Variants in OPCML observed in about 807,000 individuals in gnomAD.
OPCML encodes opioid binding protein/cell adhesion molecule like, also known as opioid-binding protein/cell adhesion molecule.
OPCML carries 13 observed loss-of-function variants against 37.8 expected under a neutral mutation model. The observed-to-expected ratio is 0.34, with a 90% CI of 0.22 to 0.55. The LOEUF (loss-of-function observed/expected upper bound fraction) is 0.55, where lower values mean the gene tolerates loss of function less well. Ranked by LOEUF, OPCML falls within the 20% of genes least tolerant of loss-of-function variation. The probability of loss-of-function intolerance (pLI) is 0.91; values close to 1 mark genes in which losing one functional copy is unlikely to be tolerated. For missense variants in OPCML, 341 were observed against 435.6 expected (o/e 0.78, Z 1.93); for synonymous variants, 176 against 168.8 (o/e 1.04, Z -0.33).
chr11:133,041,233 G>C (rs1565413582), intron 1 of OPCML, among the ~76,000 whole-genome samples: 1 of 152,224 alleles, frequency 6.6e-6, no homozygotes, highest in Non-Finnish European at 1.5e-5. Flanking sequence ...TCTTAGGGCT[G>C]CTGAGGATAA....
At chr11:132,891,756 A>C (rs1181966162) in intron 2 of OPCML, among the ~76,000 whole-genome samples, 1 of 152,224 alleles carries the variant, frequency 6.6e-6, no homozygotes, top group African/African-American at 2.4e-5. Flanking sequence ...TGTCACCTCT[A>C]ATTTCATTCA....
chr11:132,917,428 C>A (rs1215333781), intron 2 of OPCML, among the ~76,000 whole-genome samples: 1 of 149,740 alleles, frequency 6.7e-6, no homozygotes, highest in African/African-American at 2.5e-5. Context: ...GCATGTTTTT[C>A]TGCTCAGCCT....
At chr11:133,296,978 T>C (rs896596456) in intron 1 of OPCML, among the ~76,000 whole-genome samples, 8 of 152,152 alleles carry the variant, frequency 5.3e-5, no homozygotes, top group Admixed American at 5.2e-4. Flanking sequence ...CTCACATTTA[T>C]TTTACCATGA....
At chr11:132,858,350 AAATGCCTCCAC>A (rs368138883) in intron 2 of OPCML, among the ~76,000 whole-genome samples, 69 of 152,146 alleles carry the variant, frequency 4.5e-4, no homozygotes, top group African/African-American at 1.6e-3. Flanking sequence ...TTCCTCTTTG[AAATGCCTCCAC>A]AGTTCCTCCC....
Position 132,436,069 on chromosome 11 carries a change from A to G in OPCML, c.916+17T>C, listed in dbSNP as rs1339730063. The G allele has an allele frequency of 6.2e-7, 1 of 1,606,228 alleles. No homozygotes were observed. Among genetic ancestry groups the G allele is most frequent in the East Asian group, 2.2e-5 (1 of 44,652 alleles). On this transcript the variant is annotated intron_variant, in intron 7 of 7. Coordinates refer to ENST00000524381, the MANE Select transcript of OPCML (RefSeq NM_001012393.5). ...CCATGTGGCTGAGCCCACTGCATCCAGGCTTCCAGCACTCACCATACAATG... is the reference window on the plus strand; with the variant it reads ...CCATGTGGCTGAGCCCACTGCATCCGGGCTTCCAGCACTCACCATACAATG...
intron 4 of OPCML, among the ~76,000 whole-genome samples, chr11:132,455,239 T>A (rs1224764015): frequency 2.0e-5 from 3 of 152,190 alleles, no homozygotes. Context: ...GATCACACAG[T>A]GTATTGTACA....
intron 2 of OPCML, chr11:132,773,283 C>T (rs1469005397): frequency 6.6e-6 from 1 of 152,134 alleles, no homozygotes; most frequent in African/African-American, 2.4e-5. Context: ...TGCTAATACC[C>T]GCCTTCCATG....
intron 1 of OPCML, among the ~76,000 whole-genome samples, chr11:133,044,981 T>C (rs148594988): frequency 6.6e-6 from 1 of 152,276 alleles, no homozygotes; most frequent in East Asian, 1.9e-4. Flanking sequence ...TGCTTTCCCA[T>C]CTTTGGTTAT....
chr11:133,479,131 G>A (rs966847516), intron 1 of OPCML, among the ~76,000 whole-genome samples: 1 of 152,226 alleles, frequency 6.6e-6, no homozygotes, highest in Non-Finnish European at 1.5e-5. Context: ...CTGCAAATCT[G>A]TGTTTCTCAG....
chr11:133,207,961 A>AT (rs1451006807), intron 1 of OPCML, among the ~76,000 whole-genome samples: 1 of 151,870 alleles, frequency 6.6e-6, no homozygotes, highest in Non-Finnish European at 1.5e-5. Flanking sequence ...CCTGAAAAAT[A>AT]TTTTTCCCTC....
intron 1 of OPCML, among the ~76,000 whole-genome samples, chr11:133,311,966 C>A (rs924995432): frequency 1.4e-4 from 21 of 152,078 alleles, no homozygotes; most frequent in Non-Finnish European, 2.2e-4. Flanking sequence ...TCATTCACTG[C>A]AGGGGCTTTA....
intron 2 of OPCML, among the ~76,000 whole-genome samples, chr11:132,851,537 G>C (rs1034944615): frequency 1.3e-5 from 2 of 152,028 alleles, no homozygotes; most frequent in South Asian, 2.1e-4. Flanking sequence ...CCAAGAAAAG[G>C]GTTCACTTTT....
At chr11:132,770,845 G>A (rs1020515172) in intron 2 of OPCML, among the ~76,000 whole-genome samples, 4 of 152,158 alleles carry the variant, frequency 2.6e-5, no homozygotes, top group African/African-American at 9.7e-5. Flanking sequence ...AGTGACTGAC[G>A]CAATAGGAAG....
chr11:132,891,287 T>G (rs1444901525), intron 2 of OPCML, among the ~76,000 whole-genome samples: 1 of 152,190 alleles, frequency 6.6e-6, no homozygotes, highest in Non-Finnish European at 1.5e-5. Context: ...GTTCCTCTCC[T>G]ACCAGACCCA....
intron 2 of OPCML, among the ~76,000 whole-genome samples, chr11:132,941,422 C>T (rs933577708): frequency 1.4e-4 from 21 of 152,184 alleles, no homozygotes; most frequent in African/African-American, 5.1e-4. Flanking sequence ...GTGGCAGCAT[C>T]AACATCCCTG....
At chr11:133,234,160 A>C (rs1477999804) in intron 1 of OPCML, among the ~76,000 whole-genome samples, 6 of 152,174 alleles carry the variant, frequency 3.9e-5, no homozygotes, top group Admixed American at 2.6e-4. Context: ...ATGGAAACTT[A>C]TAATTGCTTC....
rs943117302 is a variant in OPCML at position 133,388,561 on chromosome 11, T to C, written c.61+143703A>G. On this transcript the variant is annotated intron_variant, in intron 1 of 7. Transcript: ENST00000524381. Reference sequence around the variant, plus strand: ...AACCAGGTGTAACACTTCAGCTTAATCTCAACGTCAAAAAGGGTGTTCAGC... The same window carrying C: ...AACCAGGTGTAACACTTCAGCTTAACCTCAACGTCAAAAAGGGTGTTCAGC... 5.9e-5 allele frequency among the ~76,000 whole-genome samples: 9 copies of C among 152,186 alleles called. No homozygotes were observed. The South Asian group carries it at 1.9e-3, about 32-fold the overall frequency.
intron 1 of OPCML, among the ~76,000 whole-genome samples, chr11:133,225,175 G>T (rs1245522582): frequency 1.3e-5 from 2 of 152,182 alleles, no homozygotes; most frequent in African/African-American, 4.8e-5. Flanking sequence ...TGGCAATCAG[G>T]CACTTTGCTA....
At chr11:132,977,982 T>C (rs942404475) in intron 1 of OPCML, among the ~76,000 whole-genome samples, 3 of 152,032 alleles carry the variant, frequency 2.0e-5, no homozygotes, top group Non-Finnish European at 2.9e-5. Flanking sequence ...GGAAGTCCTG[T>C]GGAAAATGTA....
Sources: allele counts gnomAD v4.1 joint callset (sites outside exome capture counted in the v4.1 genomes callset), GRCh38; gene constraint gnomAD v4.1.1; transcripts MANE v1.5; gene names NCBI Gene and HGNC (gene_info 2026-07-23, HGNC 2026-07-21).